The following ZBTB20 variants were observed in gnomAD, a reference collection of about 807,000 sequenced individuals.
The protein encoded by ZBTB20 is zinc finger and BTB domain containing 20, also known as zinc finger and BTB domain-containing protein 20.
ZBTB20 carries 9 observed loss-of-function variants against 56.9 expected under a neutral mutation model. The ratio of observed to expected loss-of-function variants is 0.16; its 90% CI spans 0.10 to 0.28. The LOEUF (loss-of-function observed/expected upper bound fraction) is 0.28, where lower values mean the gene tolerates loss of function less well. Among genes scored for constraint, ZBTB20 ranks in the 10% least tolerant of loss-of-function variants. The probability of loss-of-function intolerance (pLI) is 1.00; values close to 1 mark genes in which losing one functional copy is unlikely to be tolerated. For synonymous variants in ZBTB20, 417 were observed against 420.7 expected (o/e 0.99, Z 0.11); for missense variants, 655 against 1,003.0 (o/e 0.65, Z 4.69).
Position 114,764,712 on chromosome 3 carries a change from T to A in ZBTB20, c.-343+36389A>T, listed in dbSNP as rs576041023. Reference sequence around the variant, plus strand: ...AAACAAGATCACCAATTTCTAGTATTTCTATGAGATATATTTCTTTAGTTT... The same window carrying A: ...AAACAAGATCACCAATTTCTAGTATATCTATGAGATATATTTCTTTAGTTT... On this transcript the variant is annotated intron_variant, in intron 5 of 11. Coordinates refer to ENST00000675478, the MANE Select transcript of ZBTB20 (RefSeq NM_001348800.3). Among the ~76,000 whole-genome samples, 27 of 152,302 alleles carry A rather than the reference T, an allele frequency of 1.8e-4. 2 individuals are homozygous for A. The South Asian group carries it at 5.2e-3, about 29-fold the overall frequency.
At chr3:114,635,800 C>T (rs1019120999) in intron 6 of ZBTB20, among the ~76,000 whole-genome samples, 33 of 151,898 alleles carry the variant, frequency 2.2e-4, no homozygotes, top group African/African-American at 7.5e-4. Flanking sequence ...GCCTAAGTGA[C>T]TTATGGGACT....
intron 6 of ZBTB20, among the ~76,000 whole-genome samples, chr3:114,639,910 A>AT (rs1278798710): frequency 1.3e-5 from 2 of 152,024 alleles, no homozygotes; most frequent in African/African-American, 4.8e-5. Flanking sequence ...TCAAAAGAAT[A>AT]TTTATTTTTT....
chr3:114,513,891 T>G (rs2045681502), intron 6 of ZBTB20, among the ~76,000 whole-genome samples: 1 of 151,576 alleles, frequency 6.6e-6, no homozygotes, highest in Admixed American at 6.6e-5. Flanking sequence ...AAAAAAGCAT[T>G]TAGGAAGAAT....
At chr3:114,530,890 C>A (rs181259055) in intron 6 of ZBTB20, among the ~76,000 whole-genome samples, 24 of 152,180 alleles carry the variant, frequency 1.6e-4, no homozygotes, top group African/African-American at 5.8e-4. Flanking sequence ...CTCTAGTTTT[C>A]TCTCCTCTTT....
At chr3:114,549,504 G>T (rs904271999) in intron 6 of ZBTB20, among the ~76,000 whole-genome samples, 4 of 151,898 alleles carry the variant, frequency 2.6e-5, no homozygotes, top group African/African-American at 9.7e-5. Flanking sequence ...CTCATATCTT[G>T]AATATATGCA....
intron 7 of ZBTB20, among the ~76,000 whole-genome samples, chr3:114,476,908 T>C (rs2040839085): frequency 6.6e-6 from 1 of 152,232 alleles, no homozygotes; most frequent in South Asian, 2.1e-4. Flanking sequence ...CATCATTACC[T>C]AGTTATCTAA....
chr3:114,500,468 A>G (rs1344262764), intron 6 of ZBTB20, 77 bp from the exon 7 acceptor site: 1 of 152,246 alleles, frequency 6.6e-6, no homozygotes, highest in Non-Finnish European at 1.5e-5. Flanking sequence ...AAGCAAAATG[A>G]TACAGTGGGA....
At chr3:114,848,423 G>A (rs2074824237) in intron 4 of ZBTB20, among the ~76,000 whole-genome samples, 1 of 152,196 alleles carries the variant, frequency 6.6e-6, no homozygotes, top group Admixed American at 6.5e-5. Flanking sequence ...GATTATGAGA[G>A]CGTGTGAGCC....
intron 7 of ZBTB20, among the ~76,000 whole-genome samples, chr3:114,422,872 T>C (rs1207330953): frequency 6.6e-6 from 1 of 152,104 alleles, no homozygotes; most frequent in Non-Finnish European, 1.5e-5. Flanking sequence ...TGGTGTTATA[T>C]ATATTTTGGG....
At chr3:115,012,069 C>CA (rs1215130511) in intron 2 of ZBTB20, among the ~76,000 whole-genome samples, 1 of 151,098 alleles carries the variant, frequency 6.6e-6, no homozygotes, top group African/African-American at 2.4e-5. Flanking sequence ...AATGGATACA[C>CA]AAAAAGTAAA....
intron 6 of ZBTB20, among the ~76,000 whole-genome samples, chr3:114,660,380 T>C (rs1269637595): frequency 2.0e-5 from 3 of 152,154 alleles, no homozygotes; most frequent in African/African-American, 7.2e-5. Context: ...GCTCTTGGTT[T>C]TAAAGGAAAA....
intron 7 of ZBTB20, among the ~76,000 whole-genome samples, chr3:114,470,978 A>C (rs578100105): frequency 3.3e-5 from 5 of 152,240 alleles, no homozygotes; most frequent in Admixed American, 3.3e-4. Flanking sequence ...CTTGTCTTTT[A>C]TTATCCCCAT....
chr3:115,037,214 C>T (rs1198777870), intron 2 of ZBTB20, among the ~76,000 whole-genome samples: 2 of 152,066 alleles, frequency 1.3e-5, no homozygotes, highest in African/African-American at 4.8e-5. Context: ...AGAAAACTGA[C>T]CAAAGTAACA....
intron 3 of ZBTB20, among the ~76,000 whole-genome samples, chr3:114,912,810 C>T (rs534770438): frequency 1.8e-4 from 28 of 152,000 alleles, no homozygotes; most frequent in South Asian, 1.7e-3. Flanking sequence ...TCTCTATCTC[C>T]GTGAGCTCAA....
At position 114,480,094 on chromosome 3, in the gene ZBTB20, C is replaced by T. The variant is rs563623199; in HGVS notation, c.-255+20258G>A. ...TAGATTATATTTGTTCCTAACAAAGCATATGTATATTGTGGCATCACTCTT... is the reference window on the plus strand; with the variant it reads ...TAGATTATATTTGTTCCTAACAAAGTATATGTATATTGTGGCATCACTCTT... On this transcript the variant is annotated intron_variant, in intron 7 of 11. Transcript: ENST00000675478. 2.6e-5 allele frequency among the ~76,000 whole-genome samples: 4 copies of T among 152,232 alleles called. 1 individual carries two copies. The South Asian group carries it at 8.3e-4, about 32-fold the overall frequency.
chr3:114,363,306 C>A (rs866747360), intron 10 of ZBTB20, among the ~76,000 whole-genome samples: 1 of 152,086 alleles, frequency 6.6e-6, no homozygotes, highest in Middle Eastern at 3.4e-3. Flanking sequence ...GCCGAGAGAG[C>A]CAGCAGAGAG....
intron 5 of ZBTB20, among the ~76,000 whole-genome samples, chr3:114,744,650 CAT>C: frequency 6.6e-6 from 1 of 152,186 alleles, no homozygotes; most frequent in Non-Finnish European, 1.5e-5. Context: ...GAGGAAATAA[CAT>C]AAAGTGCTTA....
At chr3:114,696,711 C>T (rs891533758) in intron 5 of ZBTB20, among the ~76,000 whole-genome samples, 1 of 151,970 alleles carries the variant, frequency 6.6e-6, no homozygotes, top group Admixed American at 6.6e-5. Flanking sequence ...ATACAAATCT[C>T]ACTGTGCTCC....
At chr3:114,666,597 A>G (rs1345786289) in intron 6 of ZBTB20, among the ~76,000 whole-genome samples, 1 of 152,062 alleles carries the variant, frequency 6.6e-6, no homozygotes, top group African/African-American at 2.4e-5. Flanking sequence ...CAAATTCAGA[A>G]TCTAAGAACA....
Sources: gnomAD v4.1 joint callset for allele counts (sites outside exome capture counted in the v4.1 genomes callset) on GRCh38, gnomAD v4.1.1 for gene constraint, MANE v1.5 for transcripts, NCBI Gene and HGNC (gene_info 2026-07-23, HGNC 2026-07-21) for gene names.